TRAF3IP1: variants seen among roughly 807,000 people sequenced by gnomAD.
The protein encoded by TRAF3IP1 is intraflagellar transport 54.
In TRAF3IP1, 53 loss-of-function variants were observed where a neutral mutation model predicts 89.9. The ratio of observed to expected loss-of-function variants is 0.59; its 90% confidence interval spans 0.47 to 0.74. TRAF3IP1 has a LOEUF of 0.74. TRAF3IP1 is among the 30% of genes least tolerant of loss of function. TRAF3IP1 has a pLI of 0.00. For missense variants in TRAF3IP1, 806 were observed against 866.1 expected, an observed-to-expected ratio of 0.93 and a Z score of 0.87; for synonymous variants, 311 against 322.1, an observed-to-expected ratio of 0.97 and a Z score of 0.37.
At chr2:238,357,695 T>C (rs957997448) in intron 15 of TRAF3IP1, among the ~76,000 whole-genome samples, 2 of 152,204 alleles carry the variant, frequency 1.3e-5, no homozygotes, top group Admixed American at 6.5e-5. Context: ...GTCCTTTCTG[T>C]ATGCATGAGG....
intron 15 of TRAF3IP1, among the ~76,000 whole-genome samples, chr2:238,395,790 A>T (rs1701187155): frequency 6.6e-6 from 1 of 152,262 alleles, no homozygotes; most frequent in African/African-American, 2.4e-5. Context: ...GCTTATCATC[A>T]CTGGCCATCA....
intron 15 of TRAF3IP1, among the ~76,000 whole-genome samples, chr2:238,357,824 A>G (rs922772086): frequency 2.0e-5 from 3 of 152,180 alleles, no homozygotes; most frequent in Non-Finnish European, 4.4e-5. Context: ...TTTTATAGCT[A>G]TGATTTTTAC....
chr2:238,356,222 C>A, intron 15 of TRAF3IP1, 142 bp downstream of exon 15: 3 of 759,584 alleles, frequency 3.9e-6, no homozygotes, highest in Non-Finnish European at 6.6e-6. Flanking sequence ...CCTGGCCAGG[C>A]ATGGTGGCTC....
chr2:238,360,463 C>T (rs944904897), intron 15 of TRAF3IP1, among the ~76,000 whole-genome samples: 4 of 151,890 alleles, frequency 2.6e-5, no homozygotes, highest in African/African-American at 9.7e-5. Context: ...CCTGTCTCTA[C>T]AAAAAAACAA....
intron 15 of TRAF3IP1, among the ~76,000 whole-genome samples, chr2:238,370,340 G>A (rs954468792): frequency 1.3e-5 from 2 of 152,132 alleles, no homozygotes; most frequent in Non-Finnish European, 2.9e-5. Flanking sequence ...GTATGCGTAT[G>A]TGTGCGTGTC....
Position 238,398,800 on chromosome 2 carries a change from C to G in TRAF3IP1, c.1957C>G (p.Leu653Val), listed in dbSNP as rs980559743. 2 of 1,612,686 alleles carry G rather than the reference C, an allele frequency of 1.2e-6. No homozygotes were observed. The highest frequency in any genetic ancestry group is 3.4e-5 in the Admixed American group (2 of 59,616). ...GCCCTTAAAGGCTGAGCTCGCGGAG[C>G]TGGAGCAGCTGATCAAAGACCAGCA... ...VEPLKAELAE[L>V]EQLIKDQQDK... The change falls in exon 17 of 17, where the codon CTG becomes GTG. Residue 653 changes from leucine (L) to valine (V), a missense_variant. Physicochemically the swap from Leu to Val is conservative, Grantham distance 32. Around this residue, in one of 3 missense-constraint regions of TRAF3IP1, gnomAD observed 70 missense variants for 67.8 expected, o/e 1.03. Transcript: ENST00000373327.
At chr2:238,361,116 G>A (rs564755837) in intron 15 of TRAF3IP1, among the ~76,000 whole-genome samples, 3 of 149,126 alleles carry the variant, frequency 2.0e-5, no homozygotes, top group Non-Finnish European at 4.4e-5. Context: ...TCTGAATCTC[G>A]GCTCACTGCA....
In TRAF3IP1 at chr2:238,378,672, T is replaced by G. The variant is rs137904350; in HGVS notation, c.1690-18787T>G. Among the ~76,000 whole-genome samples, 715 of 152,304 alleles carry G rather than the reference T, an allele frequency of 4.7e-3. 4 individuals are homozygous for G. The highest frequency in any genetic ancestry group is 0.016 in the African/African-American group (684 of 41,560). On this transcript the variant is annotated intron_variant, in intron 15 of 16. Coordinates refer to ENST00000373327, the MANE Select transcript of TRAF3IP1 (RefSeq NM_015650.4). ...TAGAATCAAGGTTATGTCCATTTTA[T>G]AAAATTAATTTGGGACCCTGCGTTT...
chr2:238,385,425 A>C (rs747944436), intron 15 of TRAF3IP1, among the ~76,000 whole-genome samples: 2 of 152,244 alleles, frequency 1.3e-5, no homozygotes, highest in Non-Finnish European at 2.9e-5. Context: ...TAAATGACTC[A>C]TGTAAAATTC....
At chr2:238,386,311 A>T (rs1319562317) in intron 15 of TRAF3IP1, among the ~76,000 whole-genome samples, 1 of 151,930 alleles carries the variant, frequency 6.6e-6, no homozygotes, top group Non-Finnish European at 1.5e-5. Flanking sequence ...ACTCTTAAAC[A>T]TTTTTTTATT....
At chr2:238,341,951 C>CT (rs950237302) in intron 8 of TRAF3IP1, among the ~76,000 whole-genome samples, 62 of 145,946 alleles carry the variant, frequency 4.2e-4, no homozygotes, top group Non-Finnish European at 6.4e-4. Context: ...TGCTGTGACT[C>CT]TTTTTTTTTT....
intron 3 of TRAF3IP1, among the ~76,000 whole-genome samples, chr2:238,327,610 C>T (rs1410665256): frequency 6.6e-6 from 1 of 152,104 alleles, no homozygotes; most frequent in African/African-American, 2.4e-5. Flanking sequence ...TAAAATTTGC[C>T]ATCTTAACCA....
In TRAF3IP1 at chr2:238,397,600, G is replaced by A. The variant is rs771484689; in HGVS notation, c.1831G>A (p.Val611Met). ...GKIMDYIQED[V>M]DAMQNELQMW... ...GATCATGGACTACATCCAGGAAGAC[G>A]TGGATGCCATGCAGAATGAGCTGCA... The change falls in exon 16 of 17, where the codon GTG becomes ATG. Residue 611 changes from valine to methionine, a missense_variant. Transcript: ENST00000373327. 6.8e-6 allele frequency: 11 copies of A among 1,612,950 alleles called. No individual in the cohort carries two copies. In the South Asian group the frequency reaches 9.9e-5, roughly 14 times the overall value.
Position 238,338,462 on chromosome 2 carries a change from GA to G in TRAF3IP1, c.1159+10del. The G allele has an allele frequency of 6.7e-7, 1 of 1,502,532 alleles. No homozygotes were observed. Among genetic ancestry groups the G allele is most frequent in the Non-Finnish European group, 9.1e-7 (1 of 1,093,664 alleles). The allele number at this position is 1,502,532 out of a possible 1,614,324, so 93.1% of individuals were successfully genotyped here. ...AAACGACAACATCAGAAATAGGTAA[GA>G]AAAATATATTCTTTAGTTTAAATTC... On this transcript the variant is annotated splice_donor_region_variant and intron_variant, in intron 8 of 16. Transcript: ENST00000373327.
intron 15 of TRAF3IP1, among the ~76,000 whole-genome samples, chr2:238,361,563 A>G (rs551082207): frequency 6.6e-6 from 1 of 152,068 alleles, no homozygotes; most frequent in Non-Finnish European, 1.5e-5. Context: ...TAGCCAGCCA[A>G]GGCTTCCTTA....
rs140822032 is a variant in TRAF3IP1 at position 238,372,833 on chromosome 2, G to A, written c.1689+16753G>A. 1.5e-3 allele frequency among the ~76,000 whole-genome samples: 230 copies of A among 152,292 alleles called. 3 individuals carry two copies. The highest frequency in any genetic ancestry group is 4.9e-3 in the African/African-American group (203 of 41,554). Reference sequence around the variant, plus strand: ...TTTAATGACTGCCATTCTAACTGGCGTGAGATGGTATCTCATGGTGGTTTT... The same window carrying A: ...TTTAATGACTGCCATTCTAACTGGCATGAGATGGTATCTCATGGTGGTTTT... On this transcript the variant is annotated intron_variant, in intron 15 of 16. Transcript: ENST00000373327.
chr2:238,374,149 C>T (rs942412678), intron 15 of TRAF3IP1, among the ~76,000 whole-genome samples: 5 of 152,162 alleles, frequency 3.3e-5, no homozygotes, highest in African/African-American at 9.7e-5. Flanking sequence ...TTGCCCTGGC[C>T]GGAACTTCCA....
intron 8 of TRAF3IP1, among the ~76,000 whole-genome samples, chr2:238,342,591 C>T (rs183801383): frequency 4.1e-4 from 62 of 152,186 alleles, no homozygotes; most frequent in African/African-American, 1.4e-3. Flanking sequence ...GTATGGAAAA[C>T]ATTTGACACT....
chr2:238,325,322 G>T lies in TRAF3IP1; in HGVS notation c.140G>T (p.Gly47Val). ...CTCTTGAAGGTGATTAGAATGACTG[G>T]TTTCATGAAGGGCCTCTACACAGAC... ...DIITEVIRMT[G>V]FMKGLYTDAE... is the part of the protein sequence containing the mutation. Residue 47 changes from glycine (G) to valine (V), a missense_variant, in exon 2 of 17, where the codon GGT becomes GTT. Gly to Val is a moderately radical substitution (Grantham distance 109). This residue lies in a region of TRAF3IP1 where 732 missense variants were observed against 780.5 expected (regional missense o/e 0.94). Transcript: ENST00000373327. The T allele has an allele frequency of 6.2e-7, 1 of 1,614,120 alleles. No individual in the cohort carries two copies. The highest frequency in any genetic ancestry group is 8.5e-7 in the Non-Finnish European group (1 of 1,180,008).
Sources: allele counts gnomAD v4.1 joint callset (sites outside exome capture counted in the v4.1 genomes callset), GRCh38; gene constraint gnomAD v4.1.1; regional missense constraint gnomAD v4.1.1; transcripts MANE v1.5; gene names NCBI Gene and HGNC (gene_info 2026-07-23, HGNC 2026-07-21).